The following NACC2 variants were observed in gnomAD, a reference collection of about 807,000 sequenced individuals.
NACC2 encodes the protein NACC family member 2, also known as nucleus accumbens-associated protein 2.
NACC2 carries 8 observed loss-of-function variants against 25.1 expected under a neutral mutation model. The observed-to-expected ratio is 0.32, with a 90% CI of 0.19 to 0.57. The LOEUF (loss-of-function observed/expected upper bound fraction) is 0.57, where lower values mean the gene tolerates loss of function less well. NACC2 is among the 20% of genes least tolerant of loss of function. The pLI is 0.89. For missense variants in NACC2, 644 were observed against 650.2 expected, an observed-to-expected ratio of 0.99 and a Z score of 0.10; for synonymous variants, 435 against 294.7, an observed-to-expected ratio of 1.48 and a Z score of -4.88.
chr9:136,046,026 G>T (rs1840718639), intron 2 of NACC2, among the ~76,000 whole-genome samples: 1 of 152,194 alleles, frequency 6.6e-6, no homozygotes, highest in Non-Finnish European at 1.5e-5. Flanking sequence ...GCCGCACCCT[G>T]GGGGAATGAA....
chr9:136,053,066 C>T (rs1319966299), intron 1 of NACC2, among the ~76,000 whole-genome samples: 3 of 152,242 alleles, frequency 2.0e-5, no homozygotes, highest in Admixed American at 6.5e-5. Context: ...TTGAGGTGAG[C>T]CCCCTCCTGC....
Position 136,013,142 on chromosome 9 carries a change from G to T in NACC2, c.1255+57C>A. 1 of 1,459,376 alleles carries T rather than the reference G, an allele frequency of 6.9e-7. No individual in the cohort carries two copies. The highest frequency in any genetic ancestry group is 1.4e-5 in the African/African-American group (1 of 71,480). The allele number at this position is 1,459,376 out of a possible 1,614,324, so 90.4% of individuals were successfully genotyped here. On this transcript the variant is annotated intron_variant, in intron 5 of 5. Coordinates refer to ENST00000277554, the MANE Select transcript of NACC2 (RefSeq NM_144653.5). This position sits in a 1 kb window ranked among gnomAD's most constrained non-coding sequence, Gnocchi z 6.6. Reference sequence around the variant, plus strand: ...CCGCGGCCCACCCAGTCCTCCTCAGGCTGGGATCTGAACCCAGCCCCGGCC... The same window carrying T: ...CCGCGGCCCACCCAGTCCTCCTCAGTCTGGGATCTGAACCCAGCCCCGGCC...
intron 3 of NACC2, among the ~76,000 whole-genome samples, chr9:136,015,030 G>GTGC (rs1179947840): frequency 1.3e-5 from 2 of 152,106 alleles, no homozygotes; most frequent in African/African-American, 2.4e-5. Flanking sequence ...GAGCCTGTGA[G>GTGC]TGCCCATGAC....
chr9:136,073,427 C>CA (rs35027341), intron 1 of NACC2, among the ~76,000 whole-genome samples: 53 of 139,584 alleles, frequency 3.8e-4, no homozygotes, highest in East Asian at 1.4e-3. Flanking sequence ...AAGACTGTCT[C>CA]AAAAAAAAAA....
At chr9:136,048,144 G>T (rs1040508428) in intron 2 of NACC2, among the ~76,000 whole-genome samples, 1 of 152,230 alleles carries the variant, frequency 6.6e-6, no homozygotes, top group Non-Finnish European at 1.5e-5. Flanking sequence ...GACTGTAGGG[G>T]TGCCCAGCCT....
At chr9:136,079,062 T>C (rs1331973438) in intron 1 of NACC2, among the ~76,000 whole-genome samples, 3 of 141,408 alleles carry the variant, frequency 2.1e-5, no homozygotes, top group African/African-American at 3.2e-5. Flanking sequence ...CTTCTTCTTT[T>C]TTTTTTTTTT....
chr9:136,057,113 G>A (rs1840936552), intron 1 of NACC2, among the ~76,000 whole-genome samples: 1 of 152,214 alleles, frequency 6.6e-6, no homozygotes, highest in African/African-American at 2.4e-5. Flanking sequence ...GCGTCCGATA[G>A]GGCCTTGTGG....
In NACC2 at chr9:136,021,064, C is replaced by T. The variant is rs7857221; in HGVS notation, c.887-4635G>A. On this transcript the variant is annotated intron_variant, in intron 2 of 5. Coordinates refer to ENST00000277554, the MANE Select transcript of NACC2 (RefSeq NM_144653.5). ...AGAATTCATCAGAATGAAAAACTTCCGATCTCTGAATGAAGATAAAAAAAC... is the reference window on the plus strand; with the variant it reads ...AGAATTCATCAGAATGAAAAACTTCTGATCTCTGAATGAAGATAAAAAAAC... 3.9e-5 allele frequency among the ~76,000 whole-genome samples: 6 copies of T among 152,222 alleles called. No homozygotes were observed. The South Asian group carries it at 6.2e-4, about 16-fold the overall frequency.
rs1840112234 is a variant in NACC2 at position 136,011,749 on chromosome 9, T to G, written c.1531A>C (p.Thr511Pro). 2 of 1,543,676 alleles carry G rather than the reference T, an allele frequency of 1.3e-6. No individual in the cohort carries two copies. Among genetic ancestry groups the G allele is most frequent in the East Asian group, 4.7e-5 (2 of 42,174 alleles). The change falls in exon 6 of 6, where the codon ACT (threonine) becomes CCT (proline). Residue 511 changes from threonine (T) to proline (P), a missense_variant. Coordinates refer to ENST00000277554, the MANE Select transcript of NACC2 (RefSeq NM_144653.5). ...CTCAGGTCAACATTCACGGCGTCAG[T>G]TCTCAGAGCCACGATGGTGGCGGCG... ...GDAATIVALR[T>P]DAVNVDLSAA...
chr9:136,006,555 T>TA lies in NACC2; in HGVS notation c.*4960dup, dbSNP rs1840014249. 1 of 152,262 alleles carries TA rather than the reference T, an allele frequency of 6.6e-6. No individual in the cohort carries two copies. Among genetic ancestry groups the TA allele is most frequent in the South Asian group, 2.1e-4 (1 of 4,836 alleles). The allele number at this position is 152,262 out of a possible 1,614,324, so 9.4% of individuals were successfully genotyped here. ...AGGAAACTTAGGTTTGAACTGACTT[T>TA]ATTATTTTGTAAATGTGAATTTTAC... On this transcript the variant is annotated 3_prime_UTR_variant, in exon 6 of 6. Coordinates refer to ENST00000277554, the MANE Select transcript of NACC2 (RefSeq NM_144653.5).
chr9:136,091,966 A>G (rs971031022), intron 1 of NACC2, among the ~76,000 whole-genome samples: 2 of 152,214 alleles, frequency 1.3e-5, no homozygotes, highest in Non-Finnish European at 2.9e-5. Flanking sequence ...CCCCACAGCC[A>G]AGGCCCAAAC....
chr9:136,082,105 C>A (rs1351725949), intron 1 of NACC2, among the ~76,000 whole-genome samples: 1 of 152,246 alleles, frequency 6.6e-6, no homozygotes, highest in African/African-American at 2.4e-5. Context: ...CTGAACACGA[C>A]CTGCCGGGGC....
rs1186747488 is a variant in NACC2 at position 136,009,377 on chromosome 9, T to C, written c.*2139A>G. On this transcript the variant is annotated 3_prime_UTR_variant, in exon 6 of 6. Transcript: ENST00000277554. ...GGCTCCCTCTAGGCTGGGTGGTTCT[T>C]AGTTCAGCAGAAGGTCTGGATGCCT... The C allele has an allele frequency of 6.6e-6, 1 of 152,236 alleles. No homozygotes were observed. Among genetic ancestry groups the C allele is most frequent in the Non-Finnish European group, 1.5e-5 (1 of 68,080 alleles). The allele number at this position is 152,236 out of a possible 1,614,324, so 9.4% of individuals were successfully genotyped here. A position where few individuals can be genotyped will look rare whatever the true frequency, so the allele number is the denominator to read the frequency against.
chr9:136,044,643 T>C (rs1284865635), intron 2 of NACC2, among the ~76,000 whole-genome samples: 6 of 152,298 alleles, frequency 3.9e-5, no homozygotes, highest in East Asian at 3.9e-4. Flanking sequence ...GTGGGGACGA[T>C]GGTGCGATTT....
intron 1 of NACC2, among the ~76,000 whole-genome samples, chr9:136,054,117 C>A (rs1840888844): frequency 6.6e-6 from 1 of 152,232 alleles, no homozygotes; most frequent in Admixed American, 6.5e-5. Context: ...AAGCCTCACA[C>A]ACAGAAAGCC....
At chr9:136,050,709 C>T (rs924328441) in intron 1 of NACC2, 129 bp from the exon 2 acceptor site, 19 of 617,678 alleles carry the variant, frequency 3.1e-5, no homozygotes, top group Non-Finnish European at 3.5e-5. Flanking sequence ...CGCCCTCCCC[C>T]GCCCCTCCTG....
In NACC2 at chr9:136,009,136, C is replaced by T. The variant is rs1840066553; in HGVS notation, c.*2380G>A. On this transcript the variant is annotated 3_prime_UTR_variant, in exon 6 of 6. Transcript: ENST00000277554. ...AGCCCTTCTGTCAGCAGCCAGGCCC[C>T]CAGGGATGGTCAAATTAAAGTGCAA... is the stretch of plus-strand genomic sequence containing the variant. 6.6e-6 allele frequency: 1 copy of T among 152,292 alleles called. No homozygotes were observed. The highest frequency in any genetic ancestry group is 2.1e-4 in the South Asian group (1 of 4,834). 9.4% of individuals were successfully genotyped at this position (152,292 alleles called of 1,614,324 possible). A position where few individuals can be genotyped will look rare whatever the true frequency, so the allele number is the denominator to read the frequency against.
chr9:136,064,504 T>TA (rs747524588), intron 1 of NACC2, among the ~76,000 whole-genome samples: 4 of 152,186 alleles, frequency 2.6e-5, no homozygotes, highest in African/African-American at 4.8e-5. Flanking sequence ...AAAAGTAGTG[T>TA]AAAACTCATA....
chr9:136,049,557 T>G (rs1301070270), intron 2 of NACC2, 79 bp downstream of exon 2: 2 of 684,302 alleles, frequency 2.9e-6, no homozygotes, highest in Admixed American at 2.1e-5. Context: ...TCCGGCCCAG[T>G]GGCCTCCTGA....
Sources: allele counts gnomAD v4.1 joint callset (sites outside exome capture counted in the v4.1 genomes callset), GRCh38; gene constraint gnomAD v4.1.1; non-coding constraint Gnocchi (gnomAD v3.1); transcripts MANE v1.5; gene names NCBI Gene and HGNC (gene_info 2026-07-23, HGNC 2026-07-21).